RAPGEF4: variants seen among roughly 807,000 people sequenced by gnomAD.
RAPGEF4 encodes the protein Rap guanine nucleotide exchange factor 4.
Under a neutral mutation model 147.9 loss-of-function variants are expected in RAPGEF4, and 66 were observed. The ratio of observed to expected loss-of-function variants is 0.45; its 90% CI spans 0.37 to 0.55. The LOEUF (loss-of-function observed/expected upper bound fraction) is 0.55. Among genes scored for constraint, RAPGEF4 ranks in the 20% least tolerant of loss-of-function variants. The pLI is 0.00. For missense variants in RAPGEF4, 1,071 were observed against 1,257.3 expected (o/e 0.85, Z 2.24); for synonymous variants, 419 against 442.7 (o/e 0.95, Z 0.67).
In RAPGEF4 at chr2:172,991,443, T is replaced by C. The variant is rs1181207282; in HGVS notation, c.1490+518T>C. On this transcript the variant is annotated intron_variant, in intron 15 of 30. Transcript: ENST00000397081. ...GGCCTCATTCATACTTTCCTGCTAA[T>C]GTCAAAAGGCCATTAGCTTCACATT... Among the ~76,000 whole-genome samples, 5 of 152,250 alleles carry C rather than the reference T, an allele frequency of 3.3e-5. No individual in the cohort carries two copies. In the East Asian group the frequency reaches 9.6e-4, roughly 29 times the overall value.
intron 30 of RAPGEF4, 49 bp downstream of exon 30, chr2:173,048,703 G>A: frequency 6.2e-7 from 1 of 1,613,154 alleles, no homozygotes; most frequent in East Asian, 2.2e-5. Flanking sequence ...GGTGATTAAG[G>A]TCTTCTTAAT....
At chr2:172,917,611 C>A in intron 4 of RAPGEF4, 191 bp from the exon 5 acceptor site, 1 of 679,402 alleles carries the variant, frequency 1.5e-6, no homozygotes, top group Non-Finnish European at 2.7e-6. Context: ...CAGTCTTATT[C>A]AGGAAGACCT....
At chr2:172,774,481 A>C (rs1683963871) in intron 1 of RAPGEF4, among the ~76,000 whole-genome samples, 1 of 152,082 alleles carries the variant, frequency 6.6e-6, no homozygotes, top group African/African-American at 2.4e-5. Flanking sequence ...GCCTTTACTC[A>C]AGCTTTATTA....
chr2:172,768,686 C>T (rs964853868), intron 1 of RAPGEF4, among the ~76,000 whole-genome samples: 1 of 152,102 alleles, frequency 6.6e-6, no homozygotes, highest in African/African-American at 2.4e-5. Flanking sequence ...TGGGGATTCC[C>T]ATATAACTCC....
At chr2:172,781,739 C>T (rs1407579460) in intron 1 of RAPGEF4, among the ~76,000 whole-genome samples, 1 of 152,104 alleles carries the variant, frequency 6.6e-6, no homozygotes, top group African/African-American at 2.4e-5. Context: ...AACCTACCTA[C>T]CTACACACAC....
At chr2:172,748,463 G>A (rs965040228) in intron 1 of RAPGEF4, among the ~76,000 whole-genome samples, 3 of 152,102 alleles carry the variant, frequency 2.0e-5, no homozygotes, top group Non-Finnish European at 2.9e-5. Flanking sequence ...AGCAAAAGGG[G>A]TTTCCCTTTA....
intron 1 of RAPGEF4, among the ~76,000 whole-genome samples, chr2:172,767,542 T>C (rs1696968575): frequency 6.6e-6 from 1 of 152,078 alleles, no homozygotes; most frequent in South Asian, 2.1e-4. Context: ...ATGAGGAAAA[T>C]GAGATTGTGC....
At chr2:172,874,876 G>A (rs1413171283) in intron 4 of RAPGEF4, among the ~76,000 whole-genome samples, 1 of 152,186 alleles carries the variant, frequency 6.6e-6, no homozygotes, top group African/African-American at 2.4e-5. Context: ...GTGTAAAAGT[G>A]TTCCTATTTC....
At chr2:172,834,788 C>A (rs1489932632) in intron 4 of RAPGEF4, among the ~76,000 whole-genome samples, 2 of 152,302 alleles carry the variant, frequency 1.3e-5, no homozygotes, top group East Asian at 3.9e-4. Context: ...AAAGGGAAAT[C>A]TCTTTTCTAC....
At chr2:172,849,592 A>C (rs1393938494) in intron 4 of RAPGEF4, among the ~76,000 whole-genome samples, 1 of 152,230 alleles carries the variant, frequency 6.6e-6, no homozygotes, top group East Asian at 1.9e-4. Flanking sequence ...TTTAGCCTGC[A>C]TCCTAATTTA....
At chr2:172,866,049 TC>T (rs1694605413) in intron 4 of RAPGEF4, among the ~76,000 whole-genome samples, 1 of 152,150 alleles carries the variant, frequency 6.6e-6, no homozygotes. Context: ...CTTATATCTT[TC>T]ACCTTTTCAT....
intron 1 of RAPGEF4, among the ~76,000 whole-genome samples, chr2:172,758,965 G>A (rs1285773607): frequency 6.6e-6 from 1 of 152,086 alleles, no homozygotes; most frequent in African/African-American, 2.4e-5. Context: ...CAGAAGGAAA[G>A]AGAGTAACTA....
intron 29 of RAPGEF4, among the ~76,000 whole-genome samples, chr2:173,040,260 A>G (rs1320682649): frequency 1.3e-5 from 2 of 152,208 alleles, no homozygotes; most frequent in East Asian, 3.9e-4. Context: ...TTTCAAAATG[A>G]TTTGATTATG....
intron 1 of RAPGEF4, among the ~76,000 whole-genome samples, chr2:172,763,555 G>A (rs1413563274): frequency 2.0e-5 from 3 of 152,032 alleles, no homozygotes; most frequent in Non-Finnish European, 2.9e-5. Context: ...AACATCAGAG[G>A]GTCTTATGTA....
intron 4 of RAPGEF4, among the ~76,000 whole-genome samples, chr2:172,864,379 C>T (rs1299004398): frequency 6.6e-6 from 1 of 152,166 alleles, no homozygotes; most frequent in African/African-American, 2.4e-5. Flanking sequence ...GAACATTGGG[C>T]TTCATGGCTC....
chr2:172,864,653 C>T (rs1302431944), intron 4 of RAPGEF4, among the ~76,000 whole-genome samples: 1 of 152,240 alleles, frequency 6.6e-6, no homozygotes, highest in Non-Finnish European at 1.5e-5. Context: ...CCTGTAATCC[C>T]TGCACTTTGG....
chr2:172,809,229 A>G (rs950344941), intron 3 of RAPGEF4, among the ~76,000 whole-genome samples: 1 of 152,128 alleles, frequency 6.6e-6, no homozygotes, highest in African/African-American at 2.4e-5. Context: ...TGGTCTAACC[A>G]GGGGTAGCAT....
chr2:172,872,224 C>T (rs577924907), intron 4 of RAPGEF4, among the ~76,000 whole-genome samples: 56 of 152,176 alleles, frequency 3.7e-4, no homozygotes, highest in African/African-American at 1.3e-3. Context: ...TGGTTCTTTA[C>T]TAGTTCTTTT....
At chr2:172,826,734 A>C (rs750398598) in intron 4 of RAPGEF4, among the ~76,000 whole-genome samples, 22 of 152,162 alleles carry the variant, frequency 1.4e-4, no homozygotes, top group Non-Finnish European at 2.6e-4. Context: ...TGGGAGGGTG[A>C]TGCGAGCAGA....
Sources: gnomAD v4.1 joint callset for allele counts (sites outside exome capture counted in the v4.1 genomes callset) on GRCh38, gnomAD v4.1.1 for gene constraint, MANE v1.5 for transcripts, NCBI Gene and HGNC (gene_info 2026-07-23, HGNC 2026-07-21) for gene names.